Variants in SLCO1C1 observed in about 807,000 individuals in gnomAD.
SLCO1C1 encodes solute carrier organic anion transporter family member 1C1, also known as OAT-RP-5.
In SLCO1C1, 70 loss-of-function variants were observed where a neutral mutation model predicts 76.4. That is an observed-to-expected ratio of 0.92 (90% CI 0.76 to 1.12). The LOEUF (loss-of-function observed/expected upper bound fraction) is 1.12. SLCO1C1 is among the 50% of genes most tolerant of loss of function. SLCO1C1 has a pLI of 0.00. For synonymous variants in SLCO1C1, 306 were observed against 286.1 expected, an observed-to-expected ratio of 1.07 and a Z score of -0.70; for missense variants, 912 against 823.8, an observed-to-expected ratio of 1.11 and a Z score of -1.31.
chr12:20,724,778 A>G (rs1416141868), intron 9 of SLCO1C1, among the ~76,000 whole-genome samples: 4 of 147,464 alleles, frequency 2.7e-5, no homozygotes, highest in African/African-American at 4.9e-5. Context: ...TATTCATTTT[A>G]TAGTTCATGG....
chr12:20,714,679 C>T (rs1947281026), intron 5 of SLCO1C1, among the ~76,000 whole-genome samples: 1 of 152,090 alleles, frequency 6.6e-6, no homozygotes, highest in South Asian at 2.1e-4. Context: ...TCAGATAAAA[C>T]TGGGTCAACA....
At chr12:20,743,450 G>C in intron 13 of SLCO1C1, 81 bp downstream of exon 13, 2 of 1,144,812 alleles carry the variant, frequency 1.7e-6, no homozygotes, top group Non-Finnish European at 2.6e-6. Context: ...TTACAGAATT[G>C]CCATGCATAA....
chr12:20,738,601 C>A (rs1948659060), intron 11 of SLCO1C1, among the ~76,000 whole-genome samples: 2 of 152,134 alleles, frequency 1.3e-5, no homozygotes, highest in South Asian at 4.1e-4. Context: ...TGTTTTCATG[C>A]TTCTCTTTTT....
intron 4 of SLCO1C1, among the ~76,000 whole-genome samples, chr12:20,710,123 C>T (rs1238132144): frequency 6.6e-6 from 1 of 151,316 alleles, no homozygotes; most frequent in African/African-American, 2.4e-5. Flanking sequence ...TTAAGGTAAC[C>T]TGTTTATCAA....
chr12:20,719,100 C>CTATTATTATTATTATTATTAT (rs71039975), intron 7 of SLCO1C1, among the ~76,000 whole-genome samples: 3 of 145,666 alleles, frequency 2.1e-5, no homozygotes, highest in Admixed American at 6.9e-5. Flanking sequence ...CAAGCTTTTA[C>CTATTATTATTATTATTATTAT]TATTATTATT....
At chr12:20,733,709 C>T (rs1244574813) in intron 10 of SLCO1C1, among the ~76,000 whole-genome samples, 2 of 152,090 alleles carry the variant, frequency 1.3e-5, no homozygotes, top group African/African-American at 4.8e-5. Flanking sequence ...CCCAGTGTTC[C>T]CCATAAAAGT....
intron 9 of SLCO1C1, among the ~76,000 whole-genome samples, chr12:20,728,816 A>G (rs1173828074): frequency 6.6e-6 from 1 of 152,050 alleles, no homozygotes; most frequent in Non-Finnish European, 1.5e-5. Context: ...TTACATCAGT[A>G]TCAAGGAATA....
Position 20,734,526 on chromosome 12 carries a change from A to T in SLCO1C1, c.1382+1422A>T, listed in dbSNP as rs976869502. On this transcript the variant is annotated intron_variant, in intron 10 of 14. Coordinates refer to ENST00000266509, the MANE Select transcript of SLCO1C1 (RefSeq NM_017435.5). ...TTTCCAAAACACCTTAACTTTCATG[A>T]TCTCATTATATCCTCAAAACACCTT... Among the ~76,000 whole-genome samples, 6 of 152,256 alleles carry T rather than the reference A, an allele frequency of 3.9e-5. No homozygotes were observed. The East Asian group carries it at 1.2e-3, about 29-fold the overall frequency.
At chr12:20,711,535 TA>T in intron 5 of SLCO1C1, 25 bp downstream of exon 5, 1 of 1,606,460 alleles carries the variant, frequency 6.2e-7, no homozygotes, top group African/African-American at 1.3e-5. Flanking sequence ...TTGACTTGAC[TA>T]AACAAGCTTT....
chr12:20,715,474 T>C (rs1469516725), intron 6 of SLCO1C1, among the ~76,000 whole-genome samples, 189 bp downstream of exon 6: 1 of 152,230 alleles, frequency 6.6e-6, no homozygotes, highest in Non-Finnish European at 1.5e-5. Context: ...TAGAGGGATC[T>C]ATTGCATTAG....
At chr12:20,728,070 A>C (rs1023088748) in intron 9 of SLCO1C1, among the ~76,000 whole-genome samples, 3 of 152,176 alleles carry the variant, frequency 2.0e-5, no homozygotes, top group Admixed American at 1.3e-4. Flanking sequence ...TTTGAGGACA[A>C]AGACATAAAT....
chr12:20,723,152 A>C lies in SLCO1C1; in HGVS notation c.1084A>C (p.Ser362Arg), dbSNP rs1947764082. 3 of 1,613,974 alleles carry C rather than the reference A, an allele frequency of 1.9e-6. No individual in the cohort carries two copies. The highest frequency in any genetic ancestry group is 2.5e-6 in the Non-Finnish European group (3 of 1,179,956). Residue 362 changes from serine to arginine, a missense_variant, in exon 9 of 15, where the codon AGC becomes CGC. Coordinates refer to ENST00000266509, the MANE Select transcript of SLCO1C1 (RefSeq NM_017435.5). The part of the protein sequence containing the change: ...NPVYFLYLCT[S>R]TVQFNSLFGM... ...AGTATACTTCCTATATTTATGTACAAGCACTGTTCAGTTCAATTCTCTGTT... is the reference window on the plus strand; with the variant it reads ...AGTATACTTCCTATATTTATGTACACGCACTGTTCAGTTCAATTCTCTGTT...
At chr12:20,717,255 T>G in intron 7 of SLCO1C1, 25 bp downstream of exon 7, 1 of 1,550,346 alleles carries the variant, frequency 6.5e-7, no homozygotes, top group Non-Finnish European at 8.7e-7. Flanking sequence ...TTTTTATTTA[T>G]TCATGTATTT....
intron 4 of SLCO1C1, among the ~76,000 whole-genome samples, chr12:20,710,223 T>C (rs1850015): frequency 0.22 from 28,942 of 132,258 alleles, 1,115 homozygotes; most frequent in Non-Finnish European, 0.29. Flanking sequence ...TTTTTTTTTT[T>C]TTGAGATGGA....
chr12:20,707,395 G>A (rs1252045851), intron 4 of SLCO1C1, among the ~76,000 whole-genome samples: 1 of 151,934 alleles, frequency 6.6e-6, no homozygotes, highest in Non-Finnish European at 1.5e-5. Flanking sequence ...GTTTGCTCAG[G>A]GGGAAAAGCA....
At chr12:20,736,240 T>C (rs1376157022) in intron 10 of SLCO1C1, among the ~76,000 whole-genome samples, 1 of 134,916 alleles carries the variant, frequency 7.4e-6, no homozygotes, top group Non-Finnish European at 1.6e-5. Flanking sequence ...AGATGAAGGA[T>C]AAATATAAAA....
At chr12:20,749,355 G>GCCAA (rs1266003567) in intron 13 of SLCO1C1, among the ~76,000 whole-genome samples, 1 of 152,174 alleles carries the variant, frequency 6.6e-6, no homozygotes, top group Admixed American at 6.5e-5. Flanking sequence ...ATGGACTTGT[G>GCCAA]GTGGACTCCA....
chr12:20,721,704 A>G, intron 7 of SLCO1C1, 100 bp from the exon 8 acceptor site: 2 of 1,347,772 alleles, frequency 1.5e-6, no homozygotes, highest in Non-Finnish European at 2.0e-6. Context: ...TAGGTATTTT[A>G]TGATGTTATA....
intron 9 of SLCO1C1, among the ~76,000 whole-genome samples, chr12:20,730,400 G>A (rs1948215349): frequency 6.6e-6 from 1 of 151,866 alleles, no homozygotes; most frequent in Non-Finnish European, 1.5e-5. Context: ...TGAAACAAAG[G>A]GAGAACTAAT....
Sources: gnomAD v4.1 joint callset for allele counts (sites outside exome capture counted in the v4.1 genomes callset) on GRCh38, gnomAD v4.1.1 for gene constraint, MANE v1.5 for transcripts, NCBI Gene and HGNC (gene_info 2026-07-23, HGNC 2026-07-21) for gene names.